Variants in NDEL1 observed in about 807,000 individuals in gnomAD.
The protein encoded by NDEL1 is nudE neurodevelopment protein 1 like 1.
NDEL1 carries 9 observed loss-of-function variants against 45.7 expected under a neutral mutation model. That is an observed-to-expected ratio of 0.20 (90% CI 0.12 to 0.34). NDEL1 has a LOEUF of 0.34. Among genes scored for constraint, NDEL1 ranks in the 10% least tolerant of loss-of-function variants. NDEL1 has a pLI of 1.00. For synonymous variants in NDEL1, 133 were observed against 158.6 expected (o/e 0.84, Z 1.21); for missense variants, 306 against 406.2 (o/e 0.75, Z 2.12).
downstream of NDEL1, among the ~76,000 whole-genome samples, chr17:8,471,748 A>G (rs1311459372): frequency 4.6e-5 from 7 of 152,202 alleles, no homozygotes; most frequent in South Asian, 1.2e-3. Context: ...GATTCCCAAC[A>G]AGAATGAGGT....
In NDEL1 at chr17:8,435,984, G is replaced by C. The variant is rs879753247; in HGVS notation, c.-74G>C. On this transcript the variant is annotated 5_prime_UTR_variant, in exon 1 of 9. Transcript: ENST00000334527. ...GCCGAGCGGCTGGGCGGGCCTGGCC[G>C]GGCCGGCGGAGGGGAGACGTCGGTT... 1.1e-5 allele frequency: 5 copies of C among 448,016 alleles called. No individual in the cohort carries two copies. The highest frequency in any genetic ancestry group is 2.2e-5 in the Non-Finnish European group (5 of 223,876). The allele number at this position is 448,016 out of a possible 1,614,324, so 27.8% of individuals were successfully genotyped here. A position where few individuals can be genotyped will look rare whatever the true frequency, so the allele number is the denominator to read the frequency against.
At chr17:8,435,624 T>C (rs945222536), upstream of NDEL1, among the ~76,000 whole-genome samples, 1 of 152,252 alleles carries the variant, frequency 6.6e-6, no homozygotes, top group African/African-American at 2.4e-5. Context: ...CAGGTTCCCA[T>C]CCGTCTTGGC....
rs370098368 is a variant in NDEL1 at position 8,428,359 on chromosome 17, TG to T, written c.-13+15091del. ...GTGTGTGTGTGTGTGTGTGTGTGTG[TG>T]TATTTTTTTTTTTTTTTTTTCCGAG... On this transcript the variant is annotated intron_variant, in intron 1 of 4. Coordinates refer to the NDEL1 transcript ENST00000582812. Among the ~76,000 whole-genome samples the T allele has an allele frequency of 6.6e-3, 608 of 91,462 alleles. 40 individuals carry two copies. The highest frequency in any genetic ancestry group is 0.02 in the African/African-American group (506 of 25,022). The allele number at this position is 91,462 out of a possible 152,430, so 60.0% of individuals were successfully genotyped here. A position where few individuals can be genotyped will look rare whatever the true frequency, so the allele number is the denominator to read the frequency against.
intron 1 of NDEL1, among the ~76,000 whole-genome samples, chr17:8,420,898 G>C (rs1297666932): frequency 6.6e-6 from 1 of 152,150 alleles, no homozygotes; most frequent in Non-Finnish European, 1.5e-5. Flanking sequence ...GCTCTTTGCT[G>C]GTGTGTATTC....
chr17:8,437,337 G>A (rs1909418475), intron 1 of NDEL1, among the ~76,000 whole-genome samples: 1 of 152,298 alleles, frequency 6.6e-6, no homozygotes, highest in Middle Eastern at 3.4e-3. Context: ...ATCTTCTGAA[G>A]CTGTAGTTCT....
At chr17:8,466,596 T>G in intron 8 of NDEL1, 1 of 235,274 alleles carries the variant, frequency 4.3e-6, no homozygotes, top group Non-Finnish European at 8.2e-6. Context: ...AATATCTTAT[T>G]GTTCAGTTGT....
At chr17:8,446,704 A>C in intron 3 of NDEL1, 50 bp from the exon 4 acceptor site, 1 of 1,589,376 alleles carries the variant, frequency 6.3e-7, no homozygotes. Context: ...CTCTTTAGTA[A>C]AGAGAACTGT....
intron 7 of NDEL1, 124 bp from the exon 8 acceptor site, chr17:8,459,885 C>A: frequency 1.0e-6 from 1 of 955,100 alleles, no homozygotes; most frequent in Non-Finnish European, 1.6e-6. Context: ...TATGGCTGAA[C>A]TAACCACCAT....
At chr17:8,470,650 C>G (rs1911811999), downstream of NDEL1, among the ~76,000 whole-genome samples, 1 of 152,186 alleles carries the variant, frequency 6.6e-6, no homozygotes, top group Non-Finnish European at 1.5e-5. The surrounding 1 kb of genome is among the most constrained non-coding windows in gnomAD (Gnocchi z 4.2). Flanking sequence ...ACTGAGCTTG[C>G]ACGGCTAATT....
chr17:8,421,767 G>A lies in NDEL1; in HGVS notation c.-13+8498G>A, dbSNP rs74361186. Among the ~76,000 whole-genome samples the A allele has an allele frequency of 6.3e-3, 964 of 152,286 alleles. 15 individuals carry two copies. Among genetic ancestry groups the A allele is most frequent in the East Asian group, 0.043 (225 of 5,184 alleles). ...AATTCCTTAGGGCATAGAAAGGAACGTTGGCAAGAATAAGACTATCCTTAG... is the reference window on the plus strand; with the variant it reads ...AATTCCTTAGGGCATAGAAAGGAACATTGGCAAGAATAAGACTATCCTTAG... On this transcript the variant is annotated intron_variant, in intron 1 of 4. Transcript: ENST00000582812.
intron 7 of NDEL1, 83 bp from the exon 8 acceptor site, chr17:8,459,926 T>A: frequency 7.0e-7 from 1 of 1,422,198 alleles, no homozygotes; most frequent in Non-Finnish European, 9.6e-7. Context: ...TTTTGAGGCT[T>A]GAAATAGAAA....
chr17:8,444,211 A>C, intron 1 of NDEL1, 49 bp from the exon 2 acceptor site: 1 of 1,192,704 alleles, frequency 8.4e-7, no homozygotes, highest in Non-Finnish European at 1.2e-6. Context: ...GCTTGTGCTT[A>C]GATTTCTCTG....
At chr17:8,453,390 C>T (rs1008935414) in intron 6 of NDEL1, among the ~76,000 whole-genome samples, 1 of 152,176 alleles carries the variant, frequency 6.6e-6, no homozygotes, top group Non-Finnish European at 1.5e-5. Context: ...GTACTTACTA[C>T]GTGCATTTTT....
intron 2 of NDEL1, chr17:8,444,569 A>T (rs1026754636): frequency 1.2e-5 from 5 of 420,572 alleles, no homozygotes; most frequent in Non-Finnish European, 2.1e-5. Context: ...TTAAAATAGT[A>T]GGAAAACTGT....
intron 1 of NDEL1, chr17:8,443,914 T>C (rs1371210917): frequency 5.9e-6 from 1 of 169,726 alleles, no homozygotes; most frequent in Non-Finnish European, 1.3e-5. Context: ...TGTTTCTGTC[T>C]CCCGATTCGC....
Position 8,423,214 on chromosome 17 carries a change from C to G in NDEL1, c.-13+9945C>G, listed in dbSNP as rs77039971. ...AATGGTCACCAGACAAGTGACCCCC[C>G]CTAGAGAAGCAATCCTTAACATTCC... On this transcript the variant is annotated intron_variant, in intron 1 of 4. Transcript: ENST00000582812. Among the ~76,000 whole-genome samples the G allele has an allele frequency of 9.5e-4, 145 of 152,222 alleles. 2 individuals are homozygous for G. The East Asian group carries it at 0.026, about 27-fold the overall frequency.
chr17:8,446,642 A>T, intron 3 of NDEL1, 112 bp from the exon 4 acceptor site: 1 of 1,042,672 alleles, frequency 9.6e-7, no homozygotes, highest in South Asian at 1.8e-5. Context: ...AATTGTTACA[A>T]GAGTGTGGGT....
At chr17:8,435,666 T>C (rs1017947707), upstream of NDEL1, among the ~76,000 whole-genome samples, 6 of 152,230 alleles carry the variant, frequency 3.9e-5, no homozygotes, top group South Asian at 6.2e-4. Flanking sequence ...TTCAGGGAAC[T>C]GCACAAGCCA....
chr17:8,447,989 G>C (rs1346146154), intron 4 of NDEL1, among the ~76,000 whole-genome samples: 4 of 148,594 alleles, frequency 2.7e-5, no homozygotes, highest in Non-Finnish European at 3.0e-5. Flanking sequence ...GGGCGGGGGG[G>C]GGGCAGTGGG....
Sources: gnomAD v4.1 joint callset for allele counts (sites outside exome capture counted in the v4.1 genomes callset) on GRCh38, gnomAD v4.1.1 for gene constraint, Gnocchi (gnomAD v3.1) non-coding constraint, MANE v1.5 for transcripts, NCBI Gene and HGNC (gene_info 2026-07-23, HGNC 2026-07-21) for gene names.